The following PYY variants were observed in gnomAD, a reference collection of about 807,000 sequenced individuals.
PYY encodes peptide tyrosine tyrosine.
A neutral mutation model predicts 10.3 loss-of-function variants in PYY; 12 were observed. The ratio of observed to expected loss-of-function variants is 1.17; its 90% CI spans 0.75 to 1.89. PYY has a LOEUF of 1.89. Among genes scored for constraint, PYY ranks in the 40% most tolerant of loss-of-function variants. The pLI is 0.00. For missense variants in PYY, 141 were observed against 134.0 expected (o/e 1.05, Z -0.26); for synonymous variants, 66 against 62.0 (o/e 1.06, Z -0.30).
intron 2 of PYY, among the ~76,000 whole-genome samples, chr17:43,963,578 G>GAAAGAAAGA (rs879664969): frequency 5.8e-5 from 4 of 68,832 alleles, no homozygotes; most frequent in Admixed American, 1.5e-4. Flanking sequence ...GGAAAAGAAA[G>GAAAGAAAGA]AAAGAAAGAA....
upstream of PYY, among the ~76,000 whole-genome samples, chr17:43,955,491 C>T (rs1277405486): frequency 6.6e-6 from 1 of 152,188 alleles, no homozygotes; most frequent in Non-Finnish European, 1.5e-5. Flanking sequence ...AGTCAGGCCC[C>T]ATGGGACTCC....
intron 1 of PYY, among the ~76,000 whole-genome samples, chr17:43,973,157 A>G (rs752744500): frequency 1.3e-5 from 2 of 152,200 alleles, no homozygotes; most frequent in African/African-American, 4.8e-5. Flanking sequence ...ATTTAAAAAA[A>G]AAAAGTTATT....
Position 43,977,523 on chromosome 17 carries a change from C to T in PYY, c.-462-10991G>A, listed in dbSNP as rs371500543. 2.3e-3 allele frequency among the ~76,000 whole-genome samples: 355 copies of T among 152,260 alleles called. 3 individuals are homozygous for T. Among genetic ancestry groups the T allele is most frequent in the African/African-American group, 7.9e-3 (327 of 41,550 alleles). The stretch of plus-strand genomic sequence containing the variant: ...GGTGTTCCGGCACCTGCCCGCCCAA[C>T]ACTGGCACTGCTGACCTGCAGTTCC... On this transcript the variant is annotated intron_variant, in intron 1 of 6. Transcript: ENST00000360085.
At chr17:43,975,437 G>C (rs1462623189) in intron 1 of PYY, among the ~76,000 whole-genome samples, 1 of 152,058 alleles carries the variant, frequency 6.6e-6, no homozygotes, top group East Asian at 1.9e-4. Flanking sequence ...GCTGAGCACA[G>C]TGGCTCTTAC....
Position 43,976,018 on chromosome 17 carries a change from A to C in PYY, c.-462-9486T>G, listed in dbSNP as rs532431020. 6.4e-3 allele frequency among the ~76,000 whole-genome samples: 911 copies of C among 142,988 alleles called. 358 individuals carry two copies. Among genetic ancestry groups the C allele is most frequent in the African/African-American group, 0.014 (549 of 38,934 alleles). The allele number at this position is 142,988 out of a possible 152,430, so 93.8% of individuals were successfully genotyped here. On this transcript the variant is annotated intron_variant, in intron 1 of 6. Transcript: ENST00000360085. ...TCTACGTACGTGTACATACACGTGT[A>C]TACGTGTATAAGCGTATACATGTAT...
intron 1 of PYY, among the ~76,000 whole-genome samples, chr17:43,968,610 G>A (rs1174450549): frequency 1.3e-5 from 2 of 152,074 alleles, no homozygotes; most frequent in African/African-American, 2.4e-5. Flanking sequence ...TCAGGAGTTC[G>A]AGAGCAGCCT....
At chr17:43,989,248 C>T (rs958183964) in intron 1 of PYY, among the ~76,000 whole-genome samples, 6 of 152,146 alleles carry the variant, frequency 3.9e-5, no homozygotes, top group African/African-American at 1.2e-4. Context: ...GTGGCGGGCG[C>T]CTGTAGTCCC....
chr17:43,964,116 T>G (rs1271525917), intron 2 of PYY, among the ~76,000 whole-genome samples: 3 of 152,188 alleles, frequency 2.0e-5, no homozygotes, highest in African/African-American at 7.2e-5. Context: ...AGTGCAATGG[T>G]GCAATCAGCC....
chr17:43,984,629 A>C (rs886437052), intron 1 of PYY, among the ~76,000 whole-genome samples: 5 of 152,172 alleles, frequency 3.3e-5, no homozygotes, highest in African/African-American at 9.7e-5. Flanking sequence ...CTGAACCCAG[A>C]GTCTGCACTT....
At chr17:43,996,838 C>T (rs767961430) in intron 1 of PYY, among the ~76,000 whole-genome samples, 20 of 152,038 alleles carry the variant, frequency 1.3e-4, no homozygotes, top group Non-Finnish European at 2.4e-4. Flanking sequence ...CAGGCGCACA[C>T]CACCACGCCC....
At chr17:43,995,912 T>C (rs536641866) in intron 1 of PYY, among the ~76,000 whole-genome samples, 107 of 152,028 alleles carry the variant, frequency 7.0e-4, no homozygotes, top group African/African-American at 2.2e-3. Flanking sequence ...CCCAACACTT[T>C]GGGAGGCCAA....
intron 2 of PYY, among the ~76,000 whole-genome samples, chr17:43,960,107 G>A (rs895431971): frequency 1.3e-5 from 2 of 152,134 alleles, no homozygotes; most frequent in East Asian, 1.9e-4. Flanking sequence ...ACCAAATAGC[G>A]GTAGCTTAAA....
At chr17:43,955,430 A>G (rs1429101054), upstream of PYY, among the ~76,000 whole-genome samples, 1 of 152,042 alleles carries the variant, frequency 6.6e-6, no homozygotes, top group Non-Finnish European at 1.5e-5. Context: ...CTCTGTCACC[A>G]TTTTATGGGT....
At chr17:43,968,602 A>G (rs2143914003) in intron 1 of PYY, among the ~76,000 whole-genome samples, 1 of 152,352 alleles carries the variant, frequency 6.6e-6, no homozygotes, top group African/African-American at 2.4e-5. Context: ...ACTTGAGGTC[A>G]GGAGTTCGAG....
At chr17:43,953,528 C>CT in intron 1 of PYY, 45 bp from the exon 2 acceptor site, 1 of 1,504,316 alleles carries the variant, frequency 6.6e-7, no homozygotes, top group Non-Finnish European at 8.9e-7. Flanking sequence ...AGCCTCGACC[C>CT]TACACGGCGG....
At chr17:43,995,161 T>G (rs2048982921) in intron 1 of PYY, among the ~76,000 whole-genome samples, 1 of 152,174 alleles carries the variant, frequency 6.6e-6, no homozygotes, top group South Asian at 2.1e-4. Context: ...CCCTGGGGTA[T>G]TTTGGCGGCT....
upstream of PYY, among the ~76,000 whole-genome samples, chr17:43,956,490 A>C (rs932889786): frequency 1.3e-5 from 2 of 151,972 alleles, no homozygotes; most frequent in African/African-American, 4.8e-5. Flanking sequence ...CTAGGGTGTG[A>C]GGGGGGAAAC....
chr17:43,957,194 T>G (rs1597842429), upstream of PYY, among the ~76,000 whole-genome samples: 1 of 109,636 alleles, frequency 9.1e-6, no homozygotes, highest in Admixed American at 1.1e-4. Flanking sequence ...TGAAACTGTC[T>G]CCAAAAAAAA....
At chr17:43,985,938 G>T (rs1054434923) in intron 1 of PYY, among the ~76,000 whole-genome samples, 2 of 152,176 alleles carry the variant, frequency 1.3e-5, no homozygotes, top group Admixed American at 6.5e-5. Context: ...TACACAGGAA[G>T]AAAAGTCTGT....
Sources: allele counts gnomAD v4.1 joint callset (sites outside exome capture counted in the v4.1 genomes callset), GRCh38; gene constraint gnomAD v4.1.1; transcripts MANE v1.5; gene names NCBI Gene and HGNC (gene_info 2026-07-23, HGNC 2026-07-21).